The following MGRN1 variants were observed in gnomAD, a reference collection of about 807,000 sequenced individuals.
MGRN1 encodes the protein E3 ubiquitin-protein ligase MGRN1.
A neutral mutation model predicts 69.2 loss-of-function variants in MGRN1; 29 were observed. That is an observed-to-expected ratio of 0.42 (90% CI 0.31 to 0.57). The LOEUF (loss-of-function observed/expected upper bound fraction) is 0.57, where lower values mean the gene tolerates loss of function less well. Ranked by LOEUF, MGRN1 falls within the 20% of genes least tolerant of loss-of-function variation. The pLI is 0.15. For synonymous variants in MGRN1, 470 were observed against 344.2 expected (o/e 1.37, Z -4.04); for missense variants, 998 against 796.2 (o/e 1.25, Z -3.05).
rs1428041804 is a variant in MGRN1 at position 4,681,561 on chromosome 16, C to T, written c.1143C>T (p.Ser381=). 1.9e-5 allele frequency: 30 copies of T among 1,612,442 alleles called. No individual in the cohort carries two copies. Among genetic ancestry groups the T allele is most frequent in the South Asian group, 3.3e-5 (3 of 90,948 alleles). Residue 381 remains serine, a synonymous_variant, in exon 13 of 17, where the codon AGC becomes AGT. Transcript: ENST00000262370. ...CCCTGTCCCTACAGAACTCTGACAG[C>T]GTCCCACCTGGCTACGAGCCCATCT... ...KKPKRETNSD[S]VPPGYEPISL... is the part of the protein sequence containing the mutation.
At chr16:4,647,993 T>C (rs1380381058) in intron 1 of MGRN1, among the ~76,000 whole-genome samples, 1 of 151,988 alleles carries the variant, frequency 6.6e-6, no homozygotes, top group Admixed American at 6.6e-5. Flanking sequence ...ACTGGGGCCG[T>C]GGTTCTCGGG....
At chr16:4,634,172 C>A (rs906135549) in intron 1 of MGRN1, among the ~76,000 whole-genome samples, 1 of 152,186 alleles carries the variant, frequency 6.6e-6, no homozygotes, top group Non-Finnish European at 1.5e-5. Context: ...CTCAATGGGG[C>A]CCCAGGTTTC....
chr16:4,642,567 G>T (rs1247936984), intron 1 of MGRN1, among the ~76,000 whole-genome samples: 1 of 151,436 alleles, frequency 6.6e-6, no homozygotes, highest in Non-Finnish European at 1.5e-5. Flanking sequence ...CTTGTGATCC[G>T]CCCGCCTCGG....
Position 4,681,730 on chromosome 16 carries a change from G to C in MGRN1, c.1312G>C (p.Asp438His), listed in dbSNP as rs767678287. 1.2e-6 allele frequency: 2 copies of C among 1,612,782 alleles called. No homozygotes were observed. The highest frequency in any genetic ancestry group is 2.2e-5 in the South Asian group (2 of 91,068). Residue 438 changes from aspartate (D) to histidine (H), a missense_variant, in exon 13 of 17, where the codon GAC becomes CAC. Coordinates refer to ENST00000262370, the MANE Select transcript of MGRN1 (RefSeq NM_015246.4). ...CPLAAIDHIL[D>H]SSRQKGRPQS... ...CCTCGCGGCTATCGACCACATCCTG[G>C]ACAGCAGCCGCCAGAAGGGCAGGCC...
At chr16:4,628,043 G>A (rs1231258279) in intron 1 of MGRN1, among the ~76,000 whole-genome samples, 3 of 143,178 alleles carry the variant, frequency 2.1e-5, no homozygotes, top group Admixed American at 7.2e-5. Flanking sequence ...CTGCGCCACT[G>A]CACTCCAGCC....
intron 16 of MGRN1, chr16:4,687,800 C>T (rs1402157803): frequency 1.0e-6 from 1 of 985,318 alleles, no homozygotes; most frequent in Non-Finnish European, 1.2e-6. Context: ...CTTGGGTGGA[C>T]TTGAGCCGGG....
intron 16 of MGRN1, 78 bp downstream of exon 16, chr16:4,684,010 C>A (rs970909787): frequency 4.0e-6 from 5 of 1,249,306 alleles, no homozygotes; most frequent in South Asian, 2.6e-5. Flanking sequence ...CTCTGATGGT[C>A]GGTGCATAGC....
chr16:4,675,988 C>T (rs1168509505), intron 10 of MGRN1, among the ~76,000 whole-genome samples: 1 of 152,230 alleles, frequency 6.6e-6, no homozygotes, highest in Admixed American at 6.5e-5. Context: ...GGCCTGGGTC[C>T]TGGCGGTGGG....
chr16:4,657,737 C>A (rs2078579829), intron 5 of MGRN1, among the ~76,000 whole-genome samples: 1 of 128,140 alleles, frequency 7.8e-6, no homozygotes, highest in Non-Finnish European at 1.6e-5. Context: ...GTGCAGACAT[C>A]CTTTTTTTTT....
chr16:4,657,212 C>G (rs372429289), intron 4 of MGRN1, 34 bp from the exon 5 acceptor site: 1 of 1,596,974 alleles, frequency 6.3e-7, no homozygotes, highest in African/African-American at 1.3e-5. Context: ...CTCTTCCTGC[C>G]GCAGCCTCAC....
chr16:4,676,726 C>A (rs952851738), intron 10 of MGRN1, among the ~76,000 whole-genome samples: 1 of 152,194 alleles, frequency 6.6e-6, no homozygotes, highest in African/African-American at 2.4e-5. Context: ...GAACATTCTA[C>A]AGCAGCCTGT....
At chr16:4,642,145 T>TA (rs1371834973) in intron 1 of MGRN1, among the ~76,000 whole-genome samples, 14 of 150,012 alleles carry the variant, frequency 9.3e-5, no homozygotes, top group Admixed American at 1.3e-4. Flanking sequence ...TTTTTTTTTT[T>TA]TAAAAAAGAC....
At chr16:4,643,272 T>G (rs2078202600) in intron 1 of MGRN1, among the ~76,000 whole-genome samples, 1 of 152,070 alleles carries the variant, frequency 6.6e-6, no homozygotes, top group Non-Finnish European at 1.5e-5. Flanking sequence ...ATTTTTGTAT[T>G]TTTGGCAGAG....
intron 8 of MGRN1, among the ~76,000 whole-genome samples, chr16:4,668,797 T>C (rs1596303644): frequency 6.7e-6 from 1 of 150,312 alleles, no homozygotes; most frequent in Non-Finnish European, 1.5e-5. Flanking sequence ...CATATACACA[T>C]ACACACACGT....
rs1192818754 is a variant in MGRN1, at chr16:4,690,164, C to CCCGG, written c.*1261_*1264dup. ...CAGCAGCACACCTGGGGAATGGGGT[C>CCCGG]CCGGCCGGGAGGCTTGGCCTCTGGG... On this transcript the variant is annotated 3_prime_UTR_variant, in exon 17 of 17. Transcript: ENST00000262370. 2 of 152,308 alleles carry CCCGG rather than the reference C, an allele frequency of 1.3e-5. No homozygotes were observed. Among genetic ancestry groups the CCCGG allele is most frequent in the African/African-American group, 4.8e-5 (2 of 41,428 alleles). 9.4% of individuals were successfully genotyped at this position (152,308 alleles called of 1,614,324 possible).
intron 5 of MGRN1, among the ~76,000 whole-genome samples, chr16:4,660,334 G>T (rs551209627): frequency 1.3e-5 from 2 of 152,236 alleles, no homozygotes; most frequent in African/African-American, 4.8e-5. Flanking sequence ...CATGCAAAGG[G>T]CTTTACCTGG....
intron 5 of MGRN1, chr16:4,664,240 T>G (rs757470737): frequency 4.6e-6 from 1 of 217,300 alleles, no homozygotes; most frequent in Non-Finnish European, 9.3e-6. Flanking sequence ...TGGGTGAACT[T>G]TGGAAACATA....
chr16:4,678,514 GAGAC>G (rs953880692), intron 11 of MGRN1, among the ~76,000 whole-genome samples: 83 of 151,982 alleles, frequency 5.5e-4, no homozygotes, highest in African/African-American at 1.6e-3. Context: ...GAGATAGGAA[GAGAC>G]AGACAGATGT....
At chr16:4,638,666 A>C (rs1166415104) in intron 1 of MGRN1, among the ~76,000 whole-genome samples, 1 of 152,094 alleles carries the variant, frequency 6.6e-6, no homozygotes, top group African/African-American at 2.4e-5. Context: ...CTGGGACCTG[A>C]TCTTGTGCAG....
Sources: allele counts gnomAD v4.1 joint callset (sites outside exome capture counted in the v4.1 genomes callset), GRCh38; gene constraint gnomAD v4.1.1; transcripts MANE v1.5; gene names NCBI Gene and HGNC (gene_info 2026-07-23, HGNC 2026-07-21).